Variants in THSD7A observed in about 807,000 individuals in gnomAD.
THSD7A encodes the protein thrombospondin type 1 domain containing 7A.
A neutral mutation model predicts 231.3 loss-of-function variants in THSD7A; 96 were observed. The ratio of observed to expected loss-of-function variants is 0.41; its 90% CI spans 0.35 to 0.49. The LOEUF (loss-of-function observed/expected upper bound fraction) is 0.49, where lower values mean the gene tolerates loss of function less well. Ranked by LOEUF, THSD7A falls within the 20% of genes least tolerant of loss-of-function variation. THSD7A has a pLI of 0.05. For missense variants in THSD7A, 2,290 were observed against 2,070.2 expected (o/e 1.11, Z -2.06); for synonymous variants, 940 against 743.3 (o/e 1.26, Z -4.30).
rs1298332323 is a variant in THSD7A, at chr7:11,481,791, C to T, written c.2014G>A (p.Glu672Lys). 1 of 1,596,778 alleles carries T rather than the reference C, an allele frequency of 6.3e-7. No individual in the cohort carries two copies. Among genetic ancestry groups the T allele is most frequent in the South Asian group, 1.1e-5 (1 of 88,646 alleles). ...ARSILAYAGE[E>K]GGIRCPNSSA... Reference sequence around the variant, plus strand: ...GCGTCTGAAGCTGGCGACTCACCTTCTTCACCCGCATAGGCCAGAATGGAT... The same window carrying T: ...GCGTCTGAAGCTGGCGACTCACCTTTTTCACCCGCATAGGCCAGAATGGAT... The change falls in exon 7 of 28, where the codon GAA becomes AAA. Residue 672 changes from glutamate (E) to lysine (K), a missense_variant. Glu to Lys is a moderately conservative substitution (Grantham distance 56, BLOSUM62 1). Coordinates refer to ENST00000423059, the MANE Select transcript of THSD7A (RefSeq NM_015204.3).
chr7:11,436,366 A>T (rs1784632637), intron 13 of THSD7A, among the ~76,000 whole-genome samples: 1 of 152,110 alleles, frequency 6.6e-6, no homozygotes, highest in South Asian at 2.1e-4. Flanking sequence ...ATGATCTTTA[A>T]ACACTAGTTT....
chr7:11,534,040 C>G (rs1284431970), intron 6 of THSD7A, among the ~76,000 whole-genome samples: 1 of 152,090 alleles, frequency 6.6e-6, no homozygotes, highest in East Asian at 1.9e-4. Flanking sequence ...TCTTTTCATT[C>G]ACAGACCTCT....
At chr7:11,448,561 T>A (rs1157735044) in intron 11 of THSD7A, among the ~76,000 whole-genome samples, 6 of 152,136 alleles carry the variant, frequency 3.9e-5, no homozygotes, top group African/African-American at 1.4e-4. Context: ...TGAAGGAGCC[T>A]GACGTTTTTG....
intron 13 of THSD7A, among the ~76,000 whole-genome samples, chr7:11,443,394 T>C (rs554991370): frequency 1.1e-3 from 163 of 152,192 alleles, no homozygotes; most frequent in African/African-American, 3.8e-3. Context: ...ATAACACTTA[T>C]GTTATTTCAT....
intron 4 of THSD7A, among the ~76,000 whole-genome samples, chr7:11,567,316 C>CT (rs1790394264): frequency 6.6e-6 from 1 of 152,002 alleles, no homozygotes; most frequent in Non-Finnish European, 1.5e-5. Flanking sequence ...GGAAGAGCCC[C>CT]TTATAAAACC....
chr7:11,437,476 T>C (rs7790212), intron 13 of THSD7A, among the ~76,000 whole-genome samples: 150,397 of 152,218 alleles, frequency 0.99, 74,305 homozygotes, highest in East Asian at 1. Context: ...CTGTCCCTCA[T>C]CCCCTGCCTC....
intron 1 of THSD7A, among the ~76,000 whole-genome samples, chr7:11,821,869 C>A (rs1784885210): frequency 6.6e-6 from 1 of 152,066 alleles, no homozygotes. Flanking sequence ...AAAACAATAC[C>A]CCAAAGGTTA....
chr7:11,517,188 C>T (rs1469438284), intron 6 of THSD7A, among the ~76,000 whole-genome samples: 1 of 152,146 alleles, frequency 6.6e-6, no homozygotes, highest in Admixed American at 6.5e-5. Context: ...ATGCCATTCT[C>T]CTGCCTCAGC....
chr7:11,539,423 C>T (rs577112011), intron 6 of THSD7A, among the ~76,000 whole-genome samples: 1 of 152,262 alleles, frequency 6.6e-6, no homozygotes, highest in African/African-American at 2.4e-5. Context: ...AGGACAATAA[C>T]AAATTTAATA....
chr7:11,681,702 C>A (rs1783877709), intron 1 of THSD7A, among the ~76,000 whole-genome samples: 2 of 151,912 alleles, frequency 1.3e-5, no homozygotes, highest in Non-Finnish European at 2.9e-5. Flanking sequence ...GGATATAATG[C>A]ATGAAAAATT....
chr7:11,641,813 T>TA (rs1446600764), intron 1 of THSD7A, among the ~76,000 whole-genome samples: 1 of 151,996 alleles, frequency 6.6e-6, no homozygotes, highest in Non-Finnish European at 1.5e-5. Context: ...TTGTAGGCTT[T>TA]AACTGCCCTT....
intron 1 of THSD7A, among the ~76,000 whole-genome samples, chr7:11,668,094 G>A (rs978967972): frequency 1.3e-5 from 2 of 151,734 alleles, no homozygotes; most frequent in African/African-American, 2.4e-5. Flanking sequence ...AAGCCTAGTG[G>A]AGTGCTCTTT....
intron 1 of THSD7A, among the ~76,000 whole-genome samples, chr7:11,769,289 G>A (rs886999066): frequency 3.3e-5 from 5 of 149,432 alleles, no homozygotes; most frequent in African/African-American, 9.8e-5. Flanking sequence ...GAGCCACTGC[G>A]CCTGGCCCAT....
intron 17 of THSD7A, among the ~76,000 whole-genome samples, chr7:11,416,627 C>T (rs1783968483): frequency 6.6e-6 from 1 of 152,180 alleles, no homozygotes; most frequent in Non-Finnish European, 1.5e-5. Context: ...GGAAAATATG[C>T]ACCATAAAAT....
At chr7:11,518,864 G>A (rs1788146821) in intron 6 of THSD7A, among the ~76,000 whole-genome samples, 1 of 151,984 alleles carries the variant, frequency 6.6e-6, no homozygotes, top group African/African-American at 2.4e-5. Context: ...AAGAACAGAG[G>A]ATCATATAGA....
chr7:11,379,746 T>C (rs1782435702), intron 24 of THSD7A, 34 bp from the exon 25 acceptor site: 1 of 1,547,004 alleles, frequency 6.5e-7, no homozygotes, highest in African/African-American at 1.4e-5. Flanking sequence ...TGACAAATAA[T>C]ATATTTTGCT....
At chr7:11,781,795 T>C (rs1783640261) in intron 1 of THSD7A, among the ~76,000 whole-genome samples, 1 of 152,244 alleles carries the variant, frequency 6.6e-6, no homozygotes, top group African/African-American at 2.4e-5. Context: ...ATTTCTGGCT[T>C]CAAAAGTTTC....
At chr7:11,745,198 G>A (rs1007032373) in intron 1 of THSD7A, among the ~76,000 whole-genome samples, 5 of 152,068 alleles carry the variant, frequency 3.3e-5, no homozygotes, top group African/African-American at 9.7e-5. Flanking sequence ...GGCCAGTGAT[G>A]ATGAACATTT....
At chr7:11,562,585 A>G (rs999526677) in intron 4 of THSD7A, among the ~76,000 whole-genome samples, 2 of 152,194 alleles carry the variant, frequency 1.3e-5, no homozygotes, top group African/African-American at 4.8e-5. Context: ...AATACAAGGA[A>G]ATTCTCTTGG....
Sources: allele counts gnomAD v4.1 joint callset (sites outside exome capture counted in the v4.1 genomes callset), GRCh38; gene constraint gnomAD v4.1.1; transcripts MANE v1.5; gene names NCBI Gene and HGNC (gene_info 2026-07-23, HGNC 2026-07-21).